The following FCGR3B variants were observed in gnomAD, a reference collection of about 807,000 sequenced individuals.
FCGR3B encodes low affinity immunoglobulin gamma Fc region receptor III-B.
In FCGR3B, 20 loss-of-function variants were observed where a neutral mutation model predicts 26.7. The observed-to-expected ratio is 0.75, with a 90% CI of 0.53 to 1.09. The LOEUF is 1.09. Among genes scored for constraint, FCGR3B ranks in the 50% least tolerant of loss-of-function variants. The probability of loss-of-function intolerance (pLI) is 0.00; values close to 1 mark genes in which losing one functional copy is unlikely to be tolerated. For missense variants in FCGR3B, 191 were observed against 279.7 expected (o/e 0.68, Z 2.26); for synonymous variants, 79 against 107.0 (o/e 0.74, Z 1.62).
Position 161,629,772 on chromosome 1 carries a change from A to G in FCGR3B, c.319+6T>C. 1 of 1,422,374 alleles carries G rather than the reference A, an allele frequency of 7.0e-7. No individual in the cohort carries two copies. Among genetic ancestry groups the G allele is most frequent in the Non-Finnish European group, 9.2e-7 (1 of 1,083,038 alleles). 88.1% of individuals were successfully genotyped at this position (1,422,374 alleles called of 1,614,324 possible). A position where few individuals can be genotyped will look rare whatever the true frequency, so the allele number is the denominator to read the frequency against. The stretch of plus-strand genomic sequence containing the variant: ...GTGATTTTCCTCTTCCCCTTCATCA[A>G]CTCACCGATATGGACTTCTAGCTGC... On this transcript the variant is annotated splice_donor_region_variant and intron_variant, in intron 3 of 4. Transcript: ENST00000650385.
Position 161,631,151 on chromosome 1 carries a change from A to T in FCGR3B, c.-57T>A. The T allele has an allele frequency of 6.2e-7, 1 of 1,607,826 alleles. No individual in the cohort carries two copies. Among genetic ancestry groups the T allele is most frequent in the Non-Finnish European group, 8.5e-7 (1 of 1,177,350 alleles). On this transcript the variant is annotated 5_prime_UTR_variant, in exon 1 of 5. It adds an upstream start codon to the 5' untranslated region. Coordinates refer to ENST00000650385, the MANE Select transcript of FCGR3B (RefSeq NM_001244753.2). ...GATATCCGGAGCCCTAAAGGGACCA[A>T]GCCGACTAGACAGGAGGGAGTAAAC...
upstream of FCGR3B, chr1:161,631,216 C>A: frequency 6.3e-7 from 1 of 1,584,392 alleles, no homozygotes; most frequent in Non-Finnish European, 8.6e-7. Context: ...TGTCACCTGC[C>A]AGTTTCCTTT....
rs1190065865 is a variant in FCGR3B at position 161,624,838 on chromosome 1, AC to A, written c.578-200del. On this transcript the variant is annotated intron_variant, in intron 4 of 4. Transcript: ENST00000650385. ...GTGCTATCTGAGCAGAGGACAGCTC[AC>A]CAAACACTTAGCAAAGGCTCCTGCT... 6.7e-5 allele frequency among the ~76,000 whole-genome samples: 10 copies of A among 148,228 alleles called. 1 individual carries two copies. The highest frequency in any genetic ancestry group is 1.5e-4 in the Non-Finnish European group (10 of 67,202).
At chr1:161,627,069 G>A (rs1371939354) in intron 3 of FCGR3B, among the ~76,000 whole-genome samples, 1 of 149,968 alleles carries the variant, frequency 6.7e-6, no homozygotes, top group African/African-American at 2.5e-5. Flanking sequence ...TTCTTATATC[G>A]CCAGAGCTTA....
intron 3 of FCGR3B, among the ~76,000 whole-genome samples, chr1:161,627,816 T>A (rs1679537498): frequency 6.7e-6 from 1 of 150,196 alleles, no homozygotes; most frequent in African/African-American, 2.5e-5. Flanking sequence ...GATACCCAGA[T>A]GATGGGACAT....
rs1380999394 is a variant in FCGR3B at position 161,623,756 on chromosome 1, C to T, written c.*759G>A. 6.9e-6 allele frequency: 1 copy of T among 143,960 alleles called. No individual in the cohort carries two copies. Among genetic ancestry groups the T allele is most frequent in the African/African-American group, 2.7e-5 (1 of 37,556 alleles). 8.9% of individuals were successfully genotyped at this position (143,960 alleles called of 1,614,324 possible). ...CAATCCTCAGTCCCCTTCCTAGGACCATTTTCTACTCCTAGCATTAGAGGA... is the reference window on the plus strand; with the variant it reads ...CAATCCTCAGTCCCCTTCCTAGGACTATTTTCTACTCCTAGCATTAGAGGA... On this transcript the variant is annotated 3_prime_UTR_variant, in exon 5 of 5. Transcript: ENST00000650385.
Position 161,626,235 on chromosome 1 carries a change from T to A in FCGR3B, c.487A>T (p.Thr163Ser), listed in dbSNP as rs750202857. The A allele has an allele frequency of 1.2e-6, 2 of 1,608,530 alleles. No homozygotes were observed. The highest frequency in any genetic ancestry group is 2.7e-5 in the African/African-American group (2 of 73,446). Residue 163 changes from threonine (T) to serine (S), a missense_variant, in exon 4 of 5, where the codon ACA (threonine) becomes TCA (serine). Transcript: ENST00000650385. ...AAGTAGGAGCCGCTATCTTTGAGTG[T>A]GGCTTTTGGAATGTGGAAGTCAGAA... is the stretch of plus-strand genomic sequence containing the variant. Reference protein sequence around the residue: ...HNSDFHIPKATLKDSGSYFCR... With the variant: ...HNSDFHIPKASLKDSGSYFCR...
At chr1:161,626,689 A>G (rs542255708) in intron 3 of FCGR3B, among the ~76,000 whole-genome samples, 2 of 149,448 alleles carry the variant, frequency 1.3e-5, no homozygotes, top group Non-Finnish European at 3.0e-5. Context: ...AACGATGAGC[A>G]TATCTGCAGG....
At chr1:161,626,976 A>C (rs1241275963) in intron 3 of FCGR3B, among the ~76,000 whole-genome samples, 5 of 150,008 alleles carry the variant, frequency 3.3e-5, no homozygotes, top group South Asian at 2.1e-4. Context: ...TAGTGCTCAG[A>C]GTGGCAATTC....
In FCGR3B at chr1:161,626,294, T is replaced by G. The variant is rs1227997899; in HGVS notation, c.428A>C (p.Gln143Pro). ...AAAATACTTCCTGTCTTTGCCATTC[T>G]GTAAATATGTGACCTTATGCAGAGC... ...NTALHKVTYL[Q>P]NGKDRKYFHH... The change falls in exon 4 of 5, where the codon CAG becomes CCG. Residue 143 changes from glutamine to proline, a missense_variant. Around this residue, in one of 2 missense-constraint regions of FCGR3B, gnomAD observed 103 missense variants for 114.5 expected, o/e 0.90. Transcript: ENST00000650385. The G allele has an allele frequency of 6.8e-6, 11 of 1,608,788 alleles. No homozygotes were observed. The highest frequency in any genetic ancestry group is 8.5e-6 in the Non-Finnish European group (10 of 1,177,788).
chr1:161,623,730 C>T lies in FCGR3B; in HGVS notation c.*785G>A, dbSNP rs1445183036. 1.4e-5 allele frequency: 2 copies of T among 146,740 alleles called. No homozygotes were observed. The highest frequency in any genetic ancestry group is 3.9e-4 in the East Asian group (2 of 5,178). The allele number at this position is 146,740 out of a possible 1,614,324, so 9.1% of individuals were successfully genotyped here. On this transcript the variant is annotated 3_prime_UTR_variant, in exon 5 of 5. Transcript: ENST00000650385. ...CTTTCTTTTCCACCCCACCCCCACC[C>T]CAATCCTCAGTCCCCTTCCTAGGAC...
At chr1:161,626,984 T>C (rs1310049377) in intron 3 of FCGR3B, among the ~76,000 whole-genome samples, 1 of 149,798 alleles carries the variant, frequency 6.7e-6, no homozygotes, top group Admixed American at 6.7e-5. Context: ...AGAGTGGCAA[T>C]TCGTGGTTTC....
At chr1:161,631,525 C>CT, upstream of FCGR3B, 1 of 457,874 alleles carries the variant, frequency 2.2e-6, no homozygotes, top group Non-Finnish European at 3.8e-6. Flanking sequence ...GGGCTTCCTG[C>CT]ATTTCACCTC....
At chr1:161,626,702 CCTT>C (rs1350356675) in intron 3 of FCGR3B, among the ~76,000 whole-genome samples, 1 of 149,334 alleles carries the variant, frequency 6.7e-6, no homozygotes, top group African/African-American at 2.5e-5. Context: ...TCTGCAGGAT[CCTT>C]AAGTGCTAGA....
chr1:161,631,320 G>C, upstream of FCGR3B: 1 of 1,090,808 alleles, frequency 9.2e-7, no homozygotes, highest in Non-Finnish European at 1.3e-6. Flanking sequence ...GAGGCAAGGT[G>C]GGTGGGTGTG....
rs1268284857 is a variant in FCGR3B, at chr1:161,623,617, C to G, written c.*898G>C. On this transcript the variant is annotated 3_prime_UTR_variant, in exon 5 of 5. Coordinates refer to ENST00000650385, the MANE Select transcript of FCGR3B (RefSeq NM_001244753.2). ...CCTTCCTGTGTGCTTCTGGTTGGTT[C>G]TTTCTTCTCAGGCTTTCTCATTCTG... The G allele has an allele frequency of 1.3e-5, 2 of 148,546 alleles. No homozygotes were observed. The highest frequency in any genetic ancestry group is 5.1e-5 in the African/African-American group (2 of 39,582). 9.2% of individuals were successfully genotyped at this position (148,546 alleles called of 1,614,324 possible).
upstream of FCGR3B, chr1:161,631,318 G>C (rs1335384864): frequency 1.8e-6 from 2 of 1,090,918 alleles, no homozygotes; most frequent in Middle Eastern, 2.1e-4. Flanking sequence ...TGGAGGCAAG[G>C]TGGGTGGGTG....
In FCGR3B at chr1:161,626,470, C is replaced by T. The variant is rs2102588932; in HGVS notation, c.320-68G>A. The T allele has an allele frequency of 2.1e-6, 3 of 1,407,642 alleles. 1 individual carries two copies. The highest frequency in any genetic ancestry group is 1.9e-6 in the Non-Finnish European group (2 of 1,030,506). 87.2% of individuals were successfully genotyped at this position (1,407,642 alleles called of 1,614,324 possible). On this transcript the variant is annotated intron_variant, in intron 3 of 4. Transcript: ENST00000650385. ...CTCAGTGCAGAGCTTTGTGAAGGGGCCACGTACCACCCAGATCCTGAGGCA... is the reference window on the plus strand; with the variant it reads ...CTCAGTGCAGAGCTTTGTGAAGGGGTCACGTACCACCCAGATCCTGAGGCA...
intron 3 of FCGR3B, among the ~76,000 whole-genome samples, chr1:161,626,865 G>A (rs1679489624): frequency 6.7e-6 from 1 of 150,354 alleles, no homozygotes; most frequent in Admixed American, 6.7e-5. Context: ...AGACTCTTGT[G>A]GCCTTCAGGA....
Sources: gnomAD v4.1 joint callset for allele counts (sites outside exome capture counted in the v4.1 genomes callset) on GRCh38, gnomAD v4.1.1 for gene constraint, gnomAD v4.1.1 regional missense constraint, MANE v1.5 for transcripts, NCBI Gene and HGNC (gene_info 2026-07-23, HGNC 2026-07-21) for gene names.